GSG1L: variants seen among roughly 807,000 people sequenced by gnomAD.
The protein encoded by GSG1L is GSG1 like.
A neutral mutation model predicts 42.1 loss-of-function variants in GSG1L; 24 were observed. That is an observed-to-expected ratio of 0.57 (90% CI 0.41 to 0.80). The LOEUF is 0.80. Among genes scored for constraint, GSG1L ranks in the 30% least tolerant of loss-of-function variants. The probability of loss-of-function intolerance (pLI) is 0.00; values close to 1 mark genes in which losing one functional copy is unlikely to be tolerated. For missense variants in GSG1L, 445 were observed against 472.2 expected, an observed-to-expected ratio of 0.94 and a Z score of 0.53; for synonymous variants, 215 against 203.5, an observed-to-expected ratio of 1.06 and a Z score of -0.48.
At chr16:27,950,945 A>G (rs2084943974) in intron 2 of GSG1L, among the ~76,000 whole-genome samples, 1 of 151,994 alleles carries the variant, frequency 6.6e-6, no homozygotes, top group Non-Finnish European at 1.5e-5. Context: ...GTCTCCCCTC[A>G]CGGATTGTGA....
At chr16:27,965,898 A>G (rs1182680638) in intron 1 of GSG1L, among the ~76,000 whole-genome samples, 1 of 152,142 alleles carries the variant, frequency 6.6e-6, no homozygotes, top group East Asian at 1.9e-4. Flanking sequence ...ACTCACCCCA[A>G]GTCAGAGCCT....
intron 1 of GSG1L, among the ~76,000 whole-genome samples, chr16:28,061,680 A>C (rs985109411): frequency 6.6e-6 from 1 of 152,224 alleles, no homozygotes; most frequent in Non-Finnish European, 1.5e-5. Context: ...CTAGTGACCA[A>C]AAACAGGCCC....
chr16:27,819,790 G>T (rs540900997), intron 5 of GSG1L, among the ~76,000 whole-genome samples: 36 of 152,262 alleles, frequency 2.4e-4, no homozygotes, highest in African/African-American at 8.7e-4. Context: ...GAAAGATGGG[G>T]GTCCTGTTAC....
At chr16:28,042,886 C>T (rs1266190788) in intron 1 of GSG1L, among the ~76,000 whole-genome samples, 3 of 152,136 alleles carry the variant, frequency 2.0e-5, no homozygotes, top group Non-Finnish European at 4.4e-5. Context: ...GCCAGGAAGG[C>T]AGGCTAGGTG....
chr16:28,006,630 G>A (rs2085642501), intron 1 of GSG1L, among the ~76,000 whole-genome samples: 1 of 152,114 alleles, frequency 6.6e-6, no homozygotes, highest in African/African-American at 2.4e-5. Flanking sequence ...GATTTTAGGT[G>A]GGTGAGACTG....
At position 27,996,284 on chromosome 16, in the gene GSG1L, C is replaced by G. The variant is rs114492615; in HGVS notation, c.350-33081G>C. 4.0e-3 allele frequency among the ~76,000 whole-genome samples: 611 copies of G among 152,270 alleles called. 2 individuals carry two copies. Among genetic ancestry groups the G allele is most frequent in the African/African-American group, 0.014 (578 of 41,550 alleles). The stretch of plus-strand genomic sequence containing the variant: ...CTCACCAGAATGGTGCCCTCAAACA[C>G]TTCTGGAAAATGTGGACTCCTAAAG... On this transcript the variant is annotated intron_variant, in intron 1 of 6. Coordinates refer to ENST00000447459, the MANE Select transcript of GSG1L (RefSeq NM_001109763.2).
chr16:27,890,573 C>T (rs1327764368), intron 2 of GSG1L, among the ~76,000 whole-genome samples: 2 of 152,194 alleles, frequency 1.3e-5, no homozygotes, highest in Non-Finnish European at 2.9e-5. Context: ...GTGGGCTGTG[C>T]ACCTATGAAC....
At chr16:27,817,497 T>C (rs1296460514) in intron 5 of GSG1L, among the ~76,000 whole-genome samples, 2 of 152,058 alleles carry the variant, frequency 1.3e-5, no homozygotes, top group Non-Finnish European at 2.9e-5. Context: ...CTTAATTTTC[T>C]TCTCTTTTTT....
intron 2 of GSG1L, among the ~76,000 whole-genome samples, chr16:27,940,112 TC>T (rs1209666005): frequency 6.6e-6 from 1 of 152,038 alleles, no homozygotes; most frequent in African/African-American, 2.4e-5. Flanking sequence ...ATGCTCATCA[TC>T]ACTGGCCATC....
chr16:27,913,840 T>A (rs962223339), intron 2 of GSG1L, among the ~76,000 whole-genome samples: 3 of 151,948 alleles, frequency 2.0e-5, no homozygotes, highest in Non-Finnish European at 2.9e-5. Context: ...TTAATTATTT[T>A]AAAATTTTTT....
chr16:27,931,218 TG>T, intron 2 of GSG1L, among the ~76,000 whole-genome samples: 1 of 152,296 alleles, frequency 6.6e-6, no homozygotes, highest in Non-Finnish European at 1.5e-5. Context: ...ATCTCAGAGC[TG>T]CTAATGAAGG....
chr16:27,925,970 A>T (rs1267717146), intron 2 of GSG1L, among the ~76,000 whole-genome samples: 1 of 152,230 alleles, frequency 6.6e-6, no homozygotes, highest in Non-Finnish European at 1.5e-5. Flanking sequence ...AAAGGGGGAA[A>T]AAATTAGCTG....
intron 1 of GSG1L, among the ~76,000 whole-genome samples, chr16:28,055,717 A>G (rs1454152543): frequency 6.8e-6 from 1 of 148,052 alleles, no homozygotes; most frequent in African/African-American, 2.5e-5. Flanking sequence ...TGATCCGCCC[A>G]CCTCGGCCTC....
intron 2 of GSG1L, among the ~76,000 whole-genome samples, chr16:27,895,564 A>G (rs571879216): frequency 6.6e-6 from 1 of 152,250 alleles, no homozygotes; most frequent in Non-Finnish European, 1.5e-5. Flanking sequence ...ACACAATCCC[A>G]TAACTCAATT....
At chr16:27,855,749 C>T (rs902995861) in intron 3 of GSG1L, among the ~76,000 whole-genome samples, 9 of 147,078 alleles carry the variant, frequency 6.1e-5, no homozygotes, top group East Asian at 4.0e-4. Flanking sequence ...AAGAGACCAA[C>T]GGAACAGACA....
chr16:27,882,421 G>T (rs187308303), intron 3 of GSG1L, among the ~76,000 whole-genome samples: 1 of 148,574 alleles, frequency 6.7e-6, no homozygotes, highest in Admixed American at 6.9e-5. Flanking sequence ...CTCTTCAGTG[G>T]CTCCCTATTG....
chr16:27,953,642 G>T (rs2084974886), intron 2 of GSG1L, among the ~76,000 whole-genome samples: 1 of 152,136 alleles, frequency 6.6e-6, no homozygotes, highest in Admixed American at 6.5e-5. Flanking sequence ...ACTTTGGGAG[G>T]CCAAGGTGGG....
chr16:27,797,615 G>GA, intron 6 of GSG1L, among the ~76,000 whole-genome samples: 1 of 151,508 alleles, frequency 6.6e-6, no homozygotes, highest in Non-Finnish European at 1.5e-5. Flanking sequence ...GAGGTCAGGA[G>GA]ATCGAGACCA....
intron 2 of GSG1L, among the ~76,000 whole-genome samples, chr16:27,892,689 C>T (rs972211849): frequency 1.3e-5 from 2 of 150,614 alleles, no homozygotes; most frequent in African/African-American, 2.4e-5. Flanking sequence ...ACTCGGGAGG[C>T]TGAGGCAGGA....
Sources: allele counts gnomAD v4.1 joint callset (sites outside exome capture counted in the v4.1 genomes callset), GRCh38; gene constraint gnomAD v4.1.1; transcripts MANE v1.5; gene names NCBI Gene and HGNC (gene_info 2026-07-23, HGNC 2026-07-21).